CSMD2: variants seen among roughly 807,000 people sequenced by gnomAD.
CSMD2 encodes CUB and Sushi multiple domains 2, also known as CUB and sushi domain-containing protein 2.
In CSMD2, 130 loss-of-function variants were observed where a neutral mutation model predicts 398.5. That is an observed-to-expected ratio of 0.33 (90% confidence interval 0.28 to 0.38). CSMD2 has a LOEUF of 0.38. CSMD2 is among the 10% of genes least tolerant of loss of function. CSMD2 has a pLI of 1.00. For synonymous variants in CSMD2, 1,828 were observed against 1,908.5 expected, an observed-to-expected ratio of 0.96 and a Z score of 1.10; for missense variants, 3,829 against 4,764.9, an observed-to-expected ratio of 0.80 and a Z score of 5.78.
chr1:34,165,034 C>G lies in CSMD2; in HGVS notation c.64G>C (p.Glu22Gln). 1 of 1,211,854 alleles carries G rather than the reference C, an allele frequency of 8.3e-7. No individual in the cohort carries two copies. Among genetic ancestry groups the G allele is most frequent in the Non-Finnish European group, 1.0e-6 (1 of 975,206 alleles). 75.1% of individuals were successfully genotyped at this position (1,211,854 alleles called of 1,614,324 possible). The change falls in exon 1 of 71, where the codon GAA becomes CAA. Residue 22 changes from glutamate to glutamine, a missense_variant. Around this residue, in one of 5 missense-constraint regions of CSMD2, gnomAD observed 184 missense variants for 217.7 expected, o/e 0.85. Transcript: ENST00000373381. ...GGCACAAGCGCCGAAATCCCGGTTT[C>G]GCCGCGAGCCCTCCCCGCGGGGCAG... Reference protein sequence around the residue: ...CGCPAGRARGETGISALVPGA... With the variant: ...CGCPAGRARGQTGISALVPGA...
At chr1:33,599,752 T>C (rs564914306) in intron 44 of CSMD2, 20 of 169,476 alleles carry the variant, frequency 1.2e-4, no homozygotes, top group Non-Finnish European at 1.9e-4. Flanking sequence ...CATTCCCACA[T>C]TGCACTCACC....
At chr1:33,751,205 G>A (rs546958018) in intron 13 of CSMD2, among the ~76,000 whole-genome samples, 1 of 151,430 alleles carries the variant, frequency 6.6e-6, no homozygotes, top group East Asian at 1.9e-4. Flanking sequence ...CTATTGAGTT[G>A]GGAAAAAAAA....
rs780203488 is a variant in CSMD2, at chr1:33,521,569, C to G, written c.10510-19G>C. 16 of 1,524,860 alleles carry G rather than the reference C, an allele frequency of 1.0e-5. No individual in the cohort carries two copies. Among genetic ancestry groups the G allele is most frequent in the Admixed American group, 1.7e-5 (1 of 59,894 alleles). The allele number at this position is 1,524,860 out of a possible 1,614,324, so 94.5% of individuals were successfully genotyped here. ...ACGAGACCTGTGATGGTGGGGAGCA[C>G]AGAGAGCAGGTGGGAGGCTGCTGGA... is the stretch of plus-strand genomic sequence containing the variant. On this transcript the variant is annotated intron_variant, in intron 67 of 70. Transcript: ENST00000373381.
In CSMD2 at chr1:33,826,478, T is replaced by C. The variant is rs946985403; in HGVS notation, c.1034-704A>G. 3.9e-5 allele frequency among the ~76,000 whole-genome samples: 6 copies of C among 152,096 alleles called. No individual in the cohort carries two copies. In the South Asian group the frequency reaches 1.0e-3, roughly 26 times the overall value. The stretch of plus-strand genomic sequence containing the variant: ...TGCTCCCAGGAGGATAAGAGACACA[T>C]GGGGGAAGAGGGAATTAGCCAAGCC... On this transcript the variant is annotated intron_variant, in intron 6 of 70. Transcript: ENST00000373381.
At chr1:33,905,028 C>T (rs1479789670) in intron 5 of CSMD2, among the ~76,000 whole-genome samples, 1 of 151,764 alleles carries the variant, frequency 6.6e-6, no homozygotes, top group African/African-American at 2.4e-5. Flanking sequence ...TGGTCTTGAA[C>T]TCCTGAGCTC....
intron 27 of CSMD2, among the ~76,000 whole-genome samples, chr1:33,657,481 T>G (rs1329337289): frequency 6.6e-6 from 1 of 152,156 alleles, no homozygotes; most frequent in Non-Finnish European, 1.5e-5. Flanking sequence ...CTCTAAAACC[T>G]AAAAGAACCA....
chr1:34,146,157 C>T (rs1228074938), intron 1 of CSMD2, among the ~76,000 whole-genome samples: 1 of 152,178 alleles, frequency 6.6e-6, no homozygotes, highest in Non-Finnish European at 1.5e-5. Flanking sequence ...CCTCAGCCTC[C>T]CGAGTCACCA....
At chr1:34,037,006 T>C (rs552019206) in intron 2 of CSMD2, among the ~76,000 whole-genome samples, 1 of 152,266 alleles carries the variant, frequency 6.6e-6, no homozygotes, top group East Asian at 1.9e-4. Flanking sequence ...ATGGTACATA[T>C]GCCCTGGGTC....
chr1:33,871,961 T>C (rs1182923142), intron 5 of CSMD2, among the ~76,000 whole-genome samples: 3 of 152,210 alleles, frequency 2.0e-5, no homozygotes, highest in East Asian at 3.9e-4. Flanking sequence ...CATTAATCCA[T>C]GGATGGATTA....
intron 3 of CSMD2, among the ~76,000 whole-genome samples, chr1:33,955,305 T>C (rs780415333): frequency 5.9e-5 from 9 of 152,182 alleles, no homozygotes; most frequent in Non-Finnish European, 1.3e-4. Flanking sequence ...TGTTGTGACT[T>C]GTCGCCAAGC....
chr1:33,713,269 C>T (rs1485657020), intron 21 of CSMD2, among the ~76,000 whole-genome samples: 8 of 152,188 alleles, frequency 5.3e-5, no homozygotes, highest in Non-Finnish European at 8.8e-5. Flanking sequence ...AAGCTGTCCT[C>T]GGCATAGCCT....
chr1:33,885,343 T>A (rs1389836523), intron 5 of CSMD2: 1 of 152,092 alleles, frequency 6.6e-6, no homozygotes, highest in Non-Finnish European at 1.5e-5. Flanking sequence ...TTAGCCTGGC[T>A]TATGGAGGAG....
chr1:34,126,666 C>T (rs1444162352), intron 1 of CSMD2, among the ~76,000 whole-genome samples: 1 of 152,140 alleles, frequency 6.6e-6, no homozygotes, highest in African/African-American at 2.4e-5. Context: ...GGCTGGGAGA[C>T]ACTGCAGGAG....
intron 13 of CSMD2, among the ~76,000 whole-genome samples, chr1:33,759,960 C>T (rs772495602): frequency 7.2e-5 from 11 of 152,190 alleles, no homozygotes; most frequent in Non-Finnish European, 1.3e-4. Flanking sequence ...TCCTCATTCA[C>T]AACTCAATCC....
At chr1:34,074,725 G>GACACACAC (rs60737142) in intron 2 of CSMD2, among the ~76,000 whole-genome samples, 2 of 151,134 alleles carry the variant, frequency 1.3e-5, no homozygotes, top group Non-Finnish European at 3.0e-5. Flanking sequence ...AAATGAAGAA[G>GACACACAC]ACACACACAC....
intron 25 of CSMD2, among the ~76,000 whole-genome samples, chr1:33,678,498 A>C (rs1644796127): frequency 6.6e-6 from 1 of 152,062 alleles, no homozygotes; most frequent in Non-Finnish European, 1.5e-5. Context: ...GTGAGTCATG[A>C]TGGTGGATCT....
intron 1 of CSMD2, among the ~76,000 whole-genome samples, chr1:34,105,849 C>G (rs796873318): frequency 1.3e-4 from 20 of 152,258 alleles, no homozygotes; most frequent in Middle Eastern, 3.4e-3. Context: ...TGTGATCTTA[C>G]CAGTGACAAA....
intron 27 of CSMD2, among the ~76,000 whole-genome samples, chr1:33,656,244 G>A (rs993034973): frequency 8.5e-5 from 13 of 152,196 alleles, no homozygotes; most frequent in Non-Finnish European, 1.6e-4. Context: ...TAAGGGAAGT[G>A]TATTTACCCT....
intron 6 of CSMD2, among the ~76,000 whole-genome samples, chr1:33,829,755 C>T (rs1009304176): frequency 6.6e-6 from 1 of 152,182 alleles, no homozygotes; most frequent in Admixed American, 6.5e-5. Context: ...CTTTCATGGT[C>T]AAGGAAAGGG....
Sources: allele counts gnomAD v4.1 joint callset (sites outside exome capture counted in the v4.1 genomes callset), GRCh38; gene constraint gnomAD v4.1.1; regional missense constraint gnomAD v4.1.1; transcripts MANE v1.5; gene names NCBI Gene and HGNC (gene_info 2026-07-23, HGNC 2026-07-21).